Variants in FRMD5 observed in about 807,000 individuals in gnomAD.
FRMD5 encodes the protein FERM domain-containing protein 5.
A neutral mutation model predicts 69.0 loss-of-function variants in FRMD5; 20 were observed. The ratio of observed to expected loss-of-function variants is 0.29; its 90% CI spans 0.20 to 0.42. The LOEUF is 0.42. Among genes scored for constraint, FRMD5 ranks in the 10% least tolerant of loss-of-function variants. The probability of loss-of-function intolerance (pLI) is 1.00; values close to 1 mark genes in which losing one functional copy is unlikely to be tolerated. For missense variants in FRMD5, 595 were observed against 708.6 expected (o/e 0.84, Z 1.82); for synonymous variants, 271 against 260.1 (o/e 1.04, Z -0.40).
At chr15:43,961,520 T>C (rs545158962) in intron 1 of FRMD5, among the ~76,000 whole-genome samples, 154 of 152,132 alleles carry the variant, frequency 1.0e-3, no homozygotes, top group African/African-American at 3.4e-3. Flanking sequence ...TTCCAATCAA[T>C]AGAAAAAGAG....
chr15:43,974,546 C>A (rs141614085), intron 1 of FRMD5, among the ~76,000 whole-genome samples: 310 of 152,316 alleles, frequency 2.0e-3, no homozygotes, highest in Admixed American at 6.2e-3. Context: ...TTAGTTAACT[C>A]CTACCTATAC....
At chr15:44,159,124 G>A (rs1229526950) in intron 1 of FRMD5, among the ~76,000 whole-genome samples, 2 of 152,050 alleles carry the variant, frequency 1.3e-5, no homozygotes, top group Non-Finnish European at 2.9e-5. Context: ...AGACACACAT[G>A]TTCTGTTTGG....
At chr15:44,127,114 G>A (rs1211724881) in intron 1 of FRMD5, among the ~76,000 whole-genome samples, 3 of 152,028 alleles carry the variant, frequency 2.0e-5, no homozygotes, top group East Asian at 3.8e-4. Flanking sequence ...ATGGAGTCTC[G>A]CTCTGTCGCC....
intron 4 of FRMD5, among the ~76,000 whole-genome samples, chr15:43,918,224 G>A (rs981416420): frequency 6.6e-6 from 1 of 152,164 alleles, no homozygotes; most frequent in African/African-American, 2.4e-5. Context: ...AGGAGTTCGA[G>A]ACCAGCCTGG....
intron 1 of FRMD5, among the ~76,000 whole-genome samples, chr15:44,080,107 A>G (rs946013941): frequency 1.3e-5 from 2 of 152,112 alleles, no homozygotes; most frequent in East Asian, 3.8e-4. Flanking sequence ...CTTATGTTAT[A>G]TATATATTTT....
intron 1 of FRMD5, among the ~76,000 whole-genome samples, chr15:44,165,277 G>A (rs536195697): frequency 4.5e-4 from 69 of 152,080 alleles, no homozygotes; most frequent in Admixed American, 4.1e-3. Flanking sequence ...AAATTAGCTG[G>A]GTGTGGTGGT....
At chr15:44,040,312 G>C (rs1892129600) in intron 1 of FRMD5, among the ~76,000 whole-genome samples, 1 of 151,936 alleles carries the variant, frequency 6.6e-6, no homozygotes, top group Non-Finnish European at 1.5e-5. Flanking sequence ...GAAATACAGA[G>C]ACCACCACAA....
At position 43,873,745 on chromosome 15, in the gene FRMD5, C is replaced by A. The variant is rs1383648506; in HGVS notation, c.*140G>T. 1 of 1,525,992 alleles carries A rather than the reference C, an allele frequency of 6.6e-7. No homozygotes were observed. Among genetic ancestry groups the A allele is most frequent in the Admixed American group, 2.2e-5 (1 of 46,174 alleles). 94.5% of individuals were successfully genotyped at this position (1,525,992 alleles called of 1,614,324 possible). On this transcript the variant is annotated 3_prime_UTR_variant, in exon 14 of 14. Coordinates refer to ENST00000417257, the MANE Select transcript of FRMD5 (RefSeq NM_032892.5). Reference sequence around the variant, plus strand: ...CCTTTCTTCTTCTGGGAAACACCCTCCTAGGCTGCAGTGGACTTTGAGTCA... The same window carrying A: ...CCTTTCTTCTTCTGGGAAACACCCTACTAGGCTGCAGTGGACTTTGAGTCA...
chr15:43,949,764 C>A (rs1038281713), intron 1 of FRMD5, among the ~76,000 whole-genome samples: 5 of 152,124 alleles, frequency 3.3e-5, no homozygotes, highest in Non-Finnish European at 5.9e-5. Context: ...CATTAGGAGT[C>A]CTAAATTGAA....
chr15:44,012,137 A>G (rs1255172167), intron 1 of FRMD5, among the ~76,000 whole-genome samples: 1 of 152,220 alleles, frequency 6.6e-6, no homozygotes, highest in Admixed American at 6.5e-5. Flanking sequence ...TTGACTTAAT[A>G]AATCTCCCTA....
intron 1 of FRMD5, among the ~76,000 whole-genome samples, chr15:43,932,176 AGGATGGATGGACT>A (rs2089687049): frequency 2.0e-5 from 3 of 152,234 alleles, no homozygotes; most frequent in Non-Finnish European, 4.4e-5. Flanking sequence ...TTCTTCCTCC[AGGATGGATGGACT>A]TGAATGCACA....
At chr15:44,030,052 G>T (rs1031428967) in intron 1 of FRMD5, among the ~76,000 whole-genome samples, 1 of 152,206 alleles carries the variant, frequency 6.6e-6, no homozygotes, top group Non-Finnish European at 1.5e-5. Context: ...TTGGTAGCCT[G>T]ATGCTCTCAA....
At chr15:44,113,898 G>A (rs866018731) in intron 1 of FRMD5, among the ~76,000 whole-genome samples, 9 of 152,124 alleles carry the variant, frequency 5.9e-5, no homozygotes, top group Admixed American at 5.2e-4. Flanking sequence ...GCATAACTAT[G>A]AAATATTAAA....
intron 11 of FRMD5, 165 bp from the exon 12 acceptor site, chr15:43,884,960 C>A (rs1216346358): frequency 1.7e-6 from 1 of 591,976 alleles, no homozygotes; most frequent in Non-Finnish European, 3.0e-6. Flanking sequence ...GTGGGGTAGA[C>A]TTCTAAACTG....
At chr15:44,021,522 T>C (rs1891207795) in intron 1 of FRMD5, among the ~76,000 whole-genome samples, 1 of 152,124 alleles carries the variant, frequency 6.6e-6, no homozygotes, top group Non-Finnish European at 1.5e-5. Context: ...AAAGAAGATA[T>C]ACAAATTGCC....
At chr15:44,068,170 G>C (rs936179223) in intron 1 of FRMD5, among the ~76,000 whole-genome samples, 1 of 152,194 alleles carries the variant, frequency 6.6e-6, no homozygotes, top group Non-Finnish European at 1.5e-5. Flanking sequence ...GCCATTTTGG[G>C]AAACAGTTTG....
At chr15:43,897,359 CACCTGTA>C (rs2088935318) in intron 7 of FRMD5, among the ~76,000 whole-genome samples, 1 of 151,696 alleles carries the variant, frequency 6.6e-6, no homozygotes, top group Non-Finnish European at 1.5e-5. Flanking sequence ...TGGTAGTGTG[CACCTGTA>C]ATCTCAGCTA....
Position 43,916,280 on chromosome 15 carries a change from TTCTC to T in FRMD5, c.329+3175_329+3178del, listed in dbSNP as rs552833629. Among the ~76,000 whole-genome samples, 25 of 152,332 alleles carry T rather than the reference TTCTC, an allele frequency of 1.6e-4. No homozygotes were observed. In the East Asian group the frequency reaches 4.0e-3, roughly 25 times the overall value. ...ACTTGGATGACTACCTGGGATAGCT[TTCTC>T]TCTCAGGAAACAGAAGTTAGCTGCT... is the stretch of plus-strand genomic sequence containing the variant. On this transcript the variant is annotated intron_variant, in intron 4 of 13. Coordinates refer to ENST00000417257, the MANE Select transcript of FRMD5 (RefSeq NM_032892.5).
chr15:44,131,837 T>A (rs2077103829), intron 1 of FRMD5, among the ~76,000 whole-genome samples: 1 of 26,516 alleles, frequency 3.8e-5, no homozygotes, highest in African/African-American at 5.9e-5. Flanking sequence ...CCCAACATTT[T>A]TGACACCAGG....
Sources: allele counts gnomAD v4.1 joint callset (sites outside exome capture counted in the v4.1 genomes callset), GRCh38; gene constraint gnomAD v4.1.1; transcripts MANE v1.5; gene names NCBI Gene and HGNC (gene_info 2026-07-23, HGNC 2026-07-21).